Variants in LAMA2 observed in about 807,000 individuals in gnomAD.
The protein encoded by LAMA2 is laminin subunit alpha 2.
In LAMA2, 269 loss-of-function variants were observed where a neutral mutation model predicts 364.8. The observed-to-expected ratio is 0.74, with a 90% CI of 0.67 to 0.82. LAMA2 has a LOEUF of 0.82. Ranked by LOEUF, LAMA2 falls within the 40% of genes least tolerant of loss-of-function variation. LAMA2 has a pLI of 0.00. For missense variants in LAMA2, 3,807 were observed against 3,873.2 expected, an observed-to-expected ratio of 0.98 and a Z score of 0.45; for synonymous variants, 1,379 against 1,370.6, an observed-to-expected ratio of 1.01 and a Z score of -0.14.
At chr6:129,467,733 C>T (rs1023092292) in intron 51 of LAMA2, among the ~76,000 whole-genome samples, 1 of 151,750 alleles carries the variant, frequency 6.6e-6, no homozygotes. Context: ...TCCATTAAAA[C>T]AAATAAACAA....
At chr6:129,435,044 G>C (rs148297552) in intron 41 of LAMA2, among the ~76,000 whole-genome samples, 1 of 152,044 alleles carries the variant, frequency 6.6e-6, no homozygotes, top group Non-Finnish European at 1.5e-5. Flanking sequence ...TTTGGAACTT[G>C]AGAGGCAGCA....
At chr6:128,946,458 G>C (rs544510221) in intron 1 of LAMA2, among the ~76,000 whole-genome samples, 268 of 152,302 alleles carry the variant, frequency 1.8e-3, no homozygotes, top group African/African-American at 6.2e-3. Flanking sequence ...ATCACAGAGA[G>C]AAATGTGCTT....
intron 8 of LAMA2, among the ~76,000 whole-genome samples, chr6:129,161,745 A>G (rs1056720628): frequency 6.6e-6 from 1 of 152,284 alleles, no homozygotes; most frequent in Non-Finnish European, 1.5e-5. Context: ...AAGAGAGAAC[A>G]TGCAGTATCT....
At chr6:128,974,470 T>C (rs1782395368) in intron 1 of LAMA2, among the ~76,000 whole-genome samples, 2 of 152,216 alleles carry the variant, frequency 1.3e-5, no homozygotes, top group Admixed American at 6.5e-5. Flanking sequence ...TCTTGTGGAA[T>C]ATAAATTTCA....
At chr6:129,359,285 T>TA (rs5879945) in intron 32 of LAMA2, among the ~76,000 whole-genome samples, 143,009 of 147,736 alleles carry the variant, frequency 0.97, 69,231 homozygotes, top group East Asian at 1. Context: ...ATTTAATATA[T>TA]AAAAATATAT....
At chr6:129,393,360 C>A in intron 37 of LAMA2, 105 bp downstream of exon 37, 1 of 848,608 alleles carries the variant, frequency 1.2e-6, no homozygotes, top group Non-Finnish European at 2.0e-6. Flanking sequence ...TTACAAAAGT[C>A]AAGAGTGACA....
chr6:129,503,327 TG>T (rs769823004), intron 60 of LAMA2, 47 bp downstream of exon 60: 1 of 1,548,604 alleles, frequency 6.5e-7, no homozygotes, highest in Non-Finnish European at 8.9e-7. Context: ...AATTACTGAG[TG>T]GCAGCCATCA....
At chr6:129,311,801 A>G (rs1017076892) in intron 22 of LAMA2, among the ~76,000 whole-genome samples, 3 of 152,226 alleles carry the variant, frequency 2.0e-5, no homozygotes, top group Non-Finnish European at 2.9e-5. Context: ...AAAATTATTC[A>G]AAAGAAGTTA....
chr6:129,444,565 A>G (rs1256714632), intron 44 of LAMA2, among the ~76,000 whole-genome samples: 1 of 152,228 alleles, frequency 6.6e-6, no homozygotes, highest in Admixed American at 6.5e-5. Context: ...AAATTTAATA[A>G]TAGACCTATG....
chr6:129,322,301 G>A (rs1287902400), intron 28 of LAMA2, among the ~76,000 whole-genome samples: 3 of 152,152 alleles, frequency 2.0e-5, no homozygotes, highest in African/African-American at 7.2e-5. Flanking sequence ...TGCTTATACA[G>A]TAAGCACTGC....
intron 1 of LAMA2, among the ~76,000 whole-genome samples, chr6:128,955,097 A>G (rs977356972): frequency 2.6e-5 from 4 of 151,934 alleles, no homozygotes; most frequent in Admixed American, 2.0e-4. Flanking sequence ...ATCTCTATAA[A>G]GAGGAAAAAT....
chr6:129,328,079 A>G (rs922988170), intron 28 of LAMA2, among the ~76,000 whole-genome samples, 199 bp from the exon 29 acceptor site: 4 of 152,226 alleles, frequency 2.6e-5, no homozygotes, highest in Non-Finnish European at 5.9e-5. Context: ...CTGATTACAC[A>G]TGGATGCCGC....
At chr6:129,133,212 T>C (rs1241582085) in intron 4 of LAMA2, among the ~76,000 whole-genome samples, 4 of 152,182 alleles carry the variant, frequency 2.6e-5, no homozygotes, top group Admixed American at 2.6e-4. Flanking sequence ...CCTTGTGCAA[T>C]GAGAAAAGAT....
intron 49 of LAMA2, 41 bp from the exon 50 acceptor site, chr6:129,464,249 A>G (rs1274647281): frequency 6.4e-7 from 1 of 1,561,174 alleles, no homozygotes; most frequent in East Asian, 2.2e-5. Flanking sequence ...GACAGACTGA[A>G]TAGATATGAT....
intron 1 of LAMA2, among the ~76,000 whole-genome samples, chr6:128,912,191 T>A (rs1239782544): frequency 1.3e-5 from 2 of 152,188 alleles, no homozygotes; most frequent in Non-Finnish European, 2.9e-5. Flanking sequence ...GAAAAAATGT[T>A]CGTTTAATTT....
chr6:129,506,968 T>G (rs1220110295), intron 61 of LAMA2, among the ~76,000 whole-genome samples: 2 of 152,114 alleles, frequency 1.3e-5, no homozygotes, highest in Non-Finnish European at 2.9e-5. Context: ...CCCCAATGTT[T>G]CATGCAAACT....
intron 3 of LAMA2, among the ~76,000 whole-genome samples, chr6:129,066,730 A>G (rs4523106): frequency 0.48 from 72,763 of 152,096 alleles, 20,619 homozygotes; most frequent in East Asian, 0.8. Context: ...AAACAGATAC[A>G]TAGACCAACA....
At chr6:129,143,760 C>T (rs1778261264) in intron 4 of LAMA2, 141 bp from the exon 5 acceptor site, 2 of 636,746 alleles carry the variant, frequency 3.1e-6, no homozygotes, top group Non-Finnish European at 5.5e-6. Flanking sequence ...TCACTAGATG[C>T]CAGTGCATAG....
intron 1 of LAMA2, among the ~76,000 whole-genome samples, chr6:128,907,543 A>G (rs1039203871): frequency 4.6e-5 from 7 of 152,090 alleles, no homozygotes; most frequent in Non-Finnish European, 1.0e-4. Flanking sequence ...GACTGAGACA[A>G]TGGGGTTTTC....
Sources: gnomAD v4.1 joint callset for allele counts (sites outside exome capture counted in the v4.1 genomes callset) on GRCh38, gnomAD v4.1.1 for gene constraint, MANE v1.5 for transcripts, NCBI Gene and HGNC (gene_info 2026-07-23, HGNC 2026-07-21) for gene names.